The following RFX1 variants were observed in gnomAD, a reference collection of about 807,000 sequenced individuals.
The protein encoded by RFX1 is regulatory factor X1.
RFX1 carries 42 observed loss-of-function variants against 119.6 expected under a neutral mutation model. That is an observed-to-expected ratio of 0.35 (90% CI 0.27 to 0.45). The LOEUF (loss-of-function observed/expected upper bound fraction) is 0.45, where lower values mean the gene tolerates loss of function less well. Ranked by LOEUF, RFX1 falls within the 20% of genes least tolerant of loss-of-function variation. The probability of loss-of-function intolerance (pLI) is 1.00; values close to 1 mark genes in which losing one functional copy is unlikely to be tolerated. For synonymous variants in RFX1, 628 were observed against 618.5 expected, an observed-to-expected ratio of 1.02 and a Z score of -0.23; for missense variants, 1,118 against 1,368.1, an observed-to-expected ratio of 0.82 and a Z score of 2.88.
rs767683838 is a variant in RFX1 at position 13,972,849 on chromosome 19, G to T, written c.1208C>A (p.Thr403Asn). The change falls in exon 9 of 21, where the codon ACC becomes AAC. Residue 403 changes from threonine to asparagine, a missense_variant. By Grantham distance (65) the Thr-to-Asn change is moderately conservative. Transcript: ENST00000254325. ...GGGGGGGSGS[T>N]GGGGSGAGTY... ...GCCTGCTCCGCTGCCGCCGCCTCCGGTGCTGCCACTGCCACCCCCGCCACC... is the reference window on the plus strand; with the variant it reads ...GCCTGCTCCGCTGCCGCCGCCTCCGTTGCTGCCACTGCCACCCCCGCCACC... 9 of 1,576,090 alleles carry T rather than the reference G, an allele frequency of 5.7e-6. No individual in the cohort carries two copies. The highest frequency in any genetic ancestry group is 6.9e-6 in the Non-Finnish European group (8 of 1,164,214).
rs75820296 is a variant in RFX1, at chr19:13,984,565, G to A, written c.320-970C>T. Among the ~76,000 whole-genome samples, 1,109 of 152,194 alleles carry A rather than the reference G, an allele frequency of 7.3e-3. 15 individuals carry two copies. Among genetic ancestry groups the A allele is most frequent in the African/African-American group, 0.024 (1,004 of 41,490 alleles). The stretch of plus-strand genomic sequence containing the variant: ...GTAGAGGCGAGTGTTCCCAAGAGGC[G>A]CTGGCTAGAAGACCCTCACCCCAGC... On this transcript the variant is annotated intron_variant, in intron 2 of 20. Coordinates refer to ENST00000254325, the MANE Select transcript of RFX1 (RefSeq NM_002918.5).
chr19:14,004,336 C>T (rs945361082), intron 1 of RFX1, among the ~76,000 whole-genome samples: 1 of 152,154 alleles, frequency 6.6e-6, no homozygotes, highest in African/African-American at 2.4e-5. Context: ...GGTGAAACCC[C>T]GTCTCTACTA....
intron 1 of RFX1, among the ~76,000 whole-genome samples, chr19:13,999,906 C>T (rs1975157698): frequency 6.6e-6 from 1 of 152,082 alleles, no homozygotes; most frequent in Non-Finnish European, 1.5e-5. Flanking sequence ...GAACTCCTGA[C>T]CTCAGGTGAT....
At chr19:13,978,501 G>A (rs901757920) in intron 7 of RFX1, among the ~76,000 whole-genome samples, 1 of 152,178 alleles carries the variant, frequency 6.6e-6, no homozygotes, top group Non-Finnish European at 1.5e-5. Context: ...TGGTGGGACA[G>A]AACCTGGAAT....
At chr19:13,989,035 AAGAAGAC>A (rs1413081038) in intron 2 of RFX1, among the ~76,000 whole-genome samples, 6 of 152,144 alleles carry the variant, frequency 3.9e-5, no homozygotes, top group Non-Finnish European at 1.5e-5. Context: ...ACAAACAAAC[AAGAAGAC>A]AGAGAGTGAG....
intron 1 of RFX1, among the ~76,000 whole-genome samples, chr19:13,999,674 T>TTG (rs1156501289): frequency 2.0e-5 from 3 of 151,968 alleles, no homozygotes; most frequent in African/African-American, 7.3e-5. Context: ...GTGTTTTTTT[T>TTG]TTGTTTTTTT....
intron 2 of RFX1, among the ~76,000 whole-genome samples, chr19:13,988,162 T>G (rs960041469): frequency 8.6e-5 from 13 of 151,964 alleles, no homozygotes; most frequent in South Asian, 2.1e-4. Context: ...CAGTAGCTGG[T>G]GCTACAGGCA....
Position 13,962,409 on chromosome 19 carries a change from T to C in RFX1, c.*286A>G, listed in dbSNP as rs1444369832. 4 of 436,624 alleles carry C rather than the reference T, an allele frequency of 9.2e-6. No individual in the cohort carries two copies. Among genetic ancestry groups the C allele is most frequent in the Non-Finnish European group, 1.6e-5 (4 of 250,894 alleles). 27.0% of individuals were successfully genotyped at this position (436,624 alleles called of 1,614,324 possible). On this transcript the variant is annotated 3_prime_UTR_variant, in exon 21 of 21. Transcript: ENST00000254325. The stretch of plus-strand genomic sequence containing the variant: ...GGGCTGGGGAGAAGACGCTGGGGCC[T>C]GGGAGGGGGGCGGCCAAGGGGCCGA...
At chr19:13,987,603 T>C (rs552021958) in intron 2 of RFX1, among the ~76,000 whole-genome samples, 2 of 150,912 alleles carry the variant, frequency 1.3e-5, no homozygotes, top group African/African-American at 4.9e-5. Context: ...GACGCTAACC[T>C]GGCAGAGGGT....
chr19:13,969,866 C>A lies in RFX1; in HGVS notation c.1496+128G>T, dbSNP rs893320211. ...CTAGAGTGGGAGTGAGCGGGGCTGT[C>A]GAGGAGCCTCGCAGAGGCCGGCGGG... On this transcript the variant is annotated intron_variant, in intron 10 of 20. Transcript: ENST00000254325. This position sits in a 1 kb window ranked among gnomAD's most constrained non-coding sequence, Gnocchi z 4.5. The A allele has an allele frequency of 1.9e-5, 17 of 904,976 alleles. No individual in the cohort carries two copies. The African/African-American group carries it at 2.7e-4, about 14-fold the overall frequency. 56.1% of individuals were successfully genotyped at this position (904,976 alleles called of 1,614,324 possible). A position where few individuals can be genotyped will look rare whatever the true frequency, so the allele number is the denominator to read the frequency against.
chr19:13,972,712 C>T, intron 9 of RFX1, 31 bp downstream of exon 9: 1 of 1,541,436 alleles, frequency 6.5e-7, no homozygotes, highest in South Asian at 1.2e-5. Flanking sequence ...CCACTGCCTG[C>T]CTCCTCTGGG....
intron 8 of RFX1, among the ~76,000 whole-genome samples, chr19:13,976,301 G>A (rs1974251729): frequency 6.6e-6 from 1 of 152,202 alleles, no homozygotes; most frequent in East Asian, 1.9e-4. Context: ...ACAAGTGGCA[G>A]GGATGAAAAA....
At chr19:13,982,318 A>G in intron 4 of RFX1, 90 bp from the exon 5 acceptor site, 1 of 649,488 alleles carries the variant, frequency 1.5e-6, no homozygotes, top group South Asian at 7.8e-5. Flanking sequence ...GTGACATTCT[A>G]AGTGCTTCAC....
chr19:14,000,603 C>T (rs944907571), intron 1 of RFX1, among the ~76,000 whole-genome samples: 1 of 151,940 alleles, frequency 6.6e-6, no homozygotes, highest in African/African-American at 2.4e-5. Context: ...TCAAGACCAG[C>T]CTAAGCAACA....
rs936926699 is a variant in RFX1, at chr19:13,990,378, T to C, written c.319+3147A>G. Among the ~76,000 whole-genome samples, 3 of 151,982 alleles carry C rather than the reference T, an allele frequency of 2.0e-5. No homozygotes were observed. Among genetic ancestry groups the C allele is most frequent in the African/African-American group, 7.2e-5 (3 of 41,392 alleles). On this transcript the variant is annotated intron_variant, in intron 2 of 20. Transcript: ENST00000254325. This position sits in a 1 kb window ranked among gnomAD's most constrained non-coding sequence, Gnocchi z 4.1. ...TGCAGGGGGTCCAGCAGCTGGAGGTTCCTGGAGAAAATGGGGGCTTGGCTG... is the reference window on the plus strand; with the variant it reads ...TGCAGGGGGTCCAGCAGCTGGAGGTCCCTGGAGAAAATGGGGGCTTGGCTG...
intron 2 of RFX1, among the ~76,000 whole-genome samples, chr19:13,991,848 GA>G (rs1426050614): frequency 4.6e-5 from 7 of 152,046 alleles, no homozygotes; most frequent in African/African-American, 1.7e-4. Flanking sequence ...TTTTAGTATA[GA>G]TGGGGTCTCA....
chr19:13,986,406 C>T lies in RFX1; in HGVS notation c.320-2811G>A, dbSNP rs944159119. Among the ~76,000 whole-genome samples the T allele has an allele frequency of 6.6e-6, 1 of 152,178 alleles. No homozygotes were observed. The highest frequency in any genetic ancestry group is 2.1e-4 in the South Asian group (1 of 4,832). ...GACCCCGCCTGCCAGCCCAGGAGGG[C>T]GCCAGGGGATGCGCCACGAGGCTAA... is the stretch of plus-strand genomic sequence containing the variant. On this transcript the variant is annotated intron_variant, in intron 2 of 20. Transcript: ENST00000254325. This position sits in a 1 kb window ranked among gnomAD's most constrained non-coding sequence, Gnocchi z 4.2.
intron 8 of RFX1, among the ~76,000 whole-genome samples, chr19:13,976,829 C>T (rs1384348025): frequency 6.6e-6 from 1 of 151,706 alleles, no homozygotes; most frequent in Non-Finnish European, 1.5e-5. Context: ...CGTGGCAAAA[C>T]CCCATCTCTA....
At position 13,988,207 on chromosome 19, in the gene RFX1, A is replaced by G. The variant is rs113457871; in HGVS notation, c.320-4612T>C. 5.4e-3 allele frequency among the ~76,000 whole-genome samples: 821 copies of G among 151,984 alleles called. 8 individuals carry two copies. The highest frequency in any genetic ancestry group is 0.019 in the African/African-American group (769 of 41,452). On this transcript the variant is annotated intron_variant, in intron 2 of 20. Coordinates refer to ENST00000254325, the MANE Select transcript of RFX1 (RefSeq NM_002918.5). ...ACGCCGGGCTAATTTTTGTATTTTT[A>G]TTAGAGACGGGGTTTCATCATGTTG...
Sources: allele counts gnomAD v4.1 joint callset (sites outside exome capture counted in the v4.1 genomes callset), GRCh38; gene constraint gnomAD v4.1.1; non-coding constraint Gnocchi (gnomAD v3.1); transcripts MANE v1.5; gene names NCBI Gene and HGNC (gene_info 2026-07-23, HGNC 2026-07-21).